The following ZC3H18 variants were observed in gnomAD, a reference collection of about 807,000 sequenced individuals.
The protein encoded by ZC3H18 is zinc finger CCCH-type containing 18, also known as zinc finger CCCH domain-containing protein 18.
ZC3H18 carries 8 observed loss-of-function variants against 106.1 expected under a neutral mutation model. The observed-to-expected ratio is 0.08, with a 90% confidence interval of 0.04 to 0.14. The LOEUF (loss-of-function observed/expected upper bound fraction) is 0.14. Among genes scored for constraint, ZC3H18 ranks in the 10% least tolerant of loss-of-function variants. ZC3H18 has a pLI of 1.00. For missense variants in ZC3H18, 1,318 were observed against 1,278.4 expected (o/e 1.03, Z -0.47); for synonymous variants, 635 against 522.1 (o/e 1.22, Z -2.95).
Position 88,627,493 on chromosome 16 carries a change from C to G in ZC3H18, c.2109-129C>G, listed in dbSNP as rs532428297. 7.5e-7 allele frequency: 1 copy of G among 1,333,306 alleles called. No homozygotes were observed. The highest frequency in any genetic ancestry group is 1.5e-5 in the African/African-American group (1 of 68,462). The allele number at this position is 1,333,306 out of a possible 1,614,324, so 82.6% of individuals were successfully genotyped here. On this transcript the variant is annotated intron_variant, in intron 13 of 17. Transcript: ENST00000301011. This position sits in a 1 kb window ranked among gnomAD's most constrained non-coding sequence, Gnocchi z 4.5. Reference sequence around the variant, plus strand: ...ACCCTGAAACTGCCCAGTGTCCCCCCAAAATCACACATTCCGTGGGTACAT... The same window carrying G: ...ACCCTGAAACTGCCCAGTGTCCCCCGAAAATCACACATTCCGTGGGTACAT...
At chr16:88,614,742 A>T (rs369896920) in intron 8 of ZC3H18, among the ~76,000 whole-genome samples, 164 of 152,376 alleles carry the variant, frequency 1.1e-3, no homozygotes, top group African/African-American at 3.7e-3. Flanking sequence ...TGACCTTGAC[A>T]TTGTGCCGCC....
intron 2 of ZC3H18, among the ~76,000 whole-genome samples, chr16:88,585,226 CTG>C (rs771495611): frequency 6.6e-6 from 1 of 152,222 alleles, no homozygotes; most frequent in Non-Finnish European, 1.5e-5. Flanking sequence ...TCTCAGGAAT[CTG>C]TTCTTTTCCT....
At chr16:88,622,700 C>T (rs1906040486) in intron 9 of ZC3H18, 1 of 366,782 alleles carries the variant, frequency 2.7e-6, no homozygotes. Context: ...AGACCTGGGG[C>T]CCAGTGAGTC....
At position 88,611,427 on chromosome 16, in the gene ZC3H18, GAGCGAGCCA is replaced by G; in HGVS notation, c.1371_1379del (p.Ala458_Arg460del). 6.9e-7 allele frequency: 1 copy of G among 1,455,726 alleles called. No homozygotes were observed. Among genetic ancestry groups the G allele is most frequent in the Non-Finnish European group, 9.4e-7 (1 of 1,059,450 alleles). 90.2% of individuals were successfully genotyped at this position (1,455,726 alleles called of 1,614,324 possible). On this transcript the variant is annotated inframe_deletion, in exon 8 of 18. Transcript: ENST00000301011. ...GCGGAGGAAGGAGGAGTGGGAGCGT[GAGCGAGCCA>G]AGCGGGACGAGAAGGACCGGCAGCA... is the stretch of plus-strand genomic sequence containing the variant.
intron 10 of ZC3H18, chr16:88,623,629 C>T: frequency 3.5e-6 from 2 of 571,014 alleles, no homozygotes; most frequent in Non-Finnish European, 6.1e-6. Context: ...AGGGGCCAGA[C>T]CCAGCCCTGT....
At chr16:88,624,516 C>CGAGCTG in intron 11 of ZC3H18, 86 bp from the exon 12 acceptor site, 1 of 1,597,660 alleles carries the variant, frequency 6.3e-7, no homozygotes. Flanking sequence ...TGTCGTTCCC[C>CGAGCTG]GAGCTGTGGG....
At chr16:88,613,224 A>G (rs11861123) in intron 8 of ZC3H18, among the ~76,000 whole-genome samples, 37,439 of 152,144 alleles carry the variant, frequency 0.25, 4,990 homozygotes, top group East Asian at 0.37. Context: ...TTATTCCTCC[A>G]TGGATGCACC....
rs150919517 is a variant in ZC3H18, at chr16:88,614,317, G to A, written c.1475+2781G>A. ...AGGACCTGCGACTGTGGCTCTGGAA[G>A]GATTTGCTTTCCACCACGGGACAAA... On this transcript the variant is annotated intron_variant, in intron 8 of 17. Transcript: ENST00000301011. Among the ~76,000 whole-genome samples the A allele has an allele frequency of 1.7e-4, 26 of 152,374 alleles. No homozygotes were observed. In the East Asian group the frequency reaches 4.0e-3, roughly 24 times the overall value.
intron 1 of ZC3H18, among the ~76,000 whole-genome samples, chr16:88,576,139 A>G (rs1229027092): frequency 6.6e-6 from 1 of 151,846 alleles, no homozygotes; most frequent in Non-Finnish European, 1.5e-5. Flanking sequence ...TGACCTCATG[A>G]TCCACCTGCC....
chr16:88,628,502 C>T lies in ZC3H18; in HGVS notation c.2470-256C>T, dbSNP rs796341316. ...CTGGCTTCATGGGTCCCAGGTCCTC[C>T]TAGAGTGGCCCCCGTGGGGAGCAGG... On this transcript the variant is annotated intron_variant, in intron 15 of 17. Coordinates refer to ENST00000301011, the MANE Select transcript of ZC3H18 (RefSeq NM_144604.4). 2.3e-5 allele frequency: 13 copies of T among 553,958 alleles called. No individual in the cohort carries two copies. In the African/African-American group the frequency reaches 2.4e-4, roughly 10 times the overall value. The allele number at this position is 553,958 out of a possible 1,614,324, so 34.3% of individuals were successfully genotyped here.
intron 5 of ZC3H18, among the ~76,000 whole-genome samples, chr16:88,599,265 G>T (rs932434673): frequency 6.6e-6 from 1 of 152,224 alleles, no homozygotes. Flanking sequence ...TCTTCCTGGA[G>T]AAAACTTGGA....
Position 88,620,700 on chromosome 16 carries a change from G to A in ZC3H18, c.1476-1497G>A, listed in dbSNP as rs185960479. 1.2e-3 allele frequency among the ~76,000 whole-genome samples: 178 copies of A among 152,068 alleles called. 1 individual carries two copies. Among genetic ancestry groups the A allele is most frequent in the Admixed American group, 6.9e-3 (105 of 15,292 alleles). Reference sequence around the variant, plus strand: ...TGACACCGAGCCCAGGTTCGGCACCGCACACTGCTGGCTGAATGAGGAAAA... The same window carrying A: ...TGACACCGAGCCCAGGTTCGGCACCACACACTGCTGGCTGAATGAGGAAAA... On this transcript the variant is annotated intron_variant, in intron 8 of 17. Transcript: ENST00000301011.
At position 88,623,097 on chromosome 16, in the gene ZC3H18, A is replaced by T. The variant is rs1906070005; in HGVS notation, c.1668-122A>T. On this transcript the variant is annotated intron_variant, in intron 9 of 17. Transcript: ENST00000301011. ...CGTCTGCAGCTGTGCGCGCGTGCGC[A>T]GCTGTGCGCTTGTGTGTAGCTGTGC... The T allele has an allele frequency of 2.8e-6, 4 of 1,411,650 alleles. No homozygotes were observed. The South Asian group carries it at 5.5e-5, about 19-fold the overall frequency. The allele number at this position is 1,411,650 out of a possible 1,614,324, so 87.4% of individuals were successfully genotyped here.
At position 88,631,577 on chromosome 16, in the gene ZC3H18, C is replaced by A; in HGVS notation, c.*278C>A. 1.9e-6 allele frequency: 1 copy of A among 535,294 alleles called. No homozygotes were observed. The highest frequency in any genetic ancestry group is 3.6e-6 in the Non-Finnish European group (1 of 280,108). The allele number at this position is 535,294 out of a possible 1,614,324, so 33.2% of individuals were successfully genotyped here. ...AATTACAAGCCCCAGCCGCCAGCCC[C>A]GCCTTCTCTTCCTCCTCCTCCGTCT... On this transcript the variant is annotated 3_prime_UTR_variant, in exon 18 of 18. Transcript: ENST00000301011.
intron 8 of ZC3H18, among the ~76,000 whole-genome samples, chr16:88,617,007 C>T (rs1006764052): frequency 2.0e-5 from 3 of 152,114 alleles, no homozygotes; most frequent in Non-Finnish European, 4.4e-5. Context: ...GAGAGTCGGC[C>T]ACTGTTTGGG....
chr16:88,620,969 C>T (rs1481083406), intron 8 of ZC3H18, among the ~76,000 whole-genome samples: 1 of 151,256 alleles, frequency 6.6e-6, no homozygotes, highest in Non-Finnish European at 1.5e-5. Context: ...GGGTTCAAAC[C>T]ATTCTCCTGC....
At chr16:88,578,869 G>A (rs762586937) in intron 2 of ZC3H18, among the ~76,000 whole-genome samples, 2 of 152,132 alleles carry the variant, frequency 1.3e-5, no homozygotes, top group Admixed American at 6.5e-5. Flanking sequence ...TGTATTTTTC[G>A]TAGAGATGAG....
At chr16:88,591,431 G>C (rs1209887095) in intron 3 of ZC3H18, among the ~76,000 whole-genome samples, 1 of 152,164 alleles carries the variant, frequency 6.6e-6, no homozygotes. Context: ...AATTAGCTGG[G>C]GGTGGTAGAG....
chr16:88,586,255 A>G (rs1350534606), intron 2 of ZC3H18, among the ~76,000 whole-genome samples: 1 of 152,218 alleles, frequency 6.6e-6, no homozygotes, highest in Non-Finnish European at 1.5e-5. Context: ...TTTGTTCTCC[A>G]TATTTTATTT....
Sources: gnomAD v4.1 joint callset for allele counts (sites outside exome capture counted in the v4.1 genomes callset) on GRCh38, gnomAD v4.1.1 for gene constraint, Gnocchi (gnomAD v3.1) non-coding constraint, MANE v1.5 for transcripts, NCBI Gene and HGNC (gene_info 2026-07-23, HGNC 2026-07-21) for gene names.